The following L3MBTL4 variants were observed in gnomAD, a reference collection of about 807,000 sequenced individuals.
L3MBTL4 encodes the protein lethal(3)malignant brain tumor-like protein 4.
L3MBTL4 carries 70 observed loss-of-function variants against 84.5 expected under a neutral mutation model. That is an observed-to-expected ratio of 0.83 (90% confidence interval 0.68 to 1.01). The LOEUF is 1.01. Among genes scored for constraint, L3MBTL4 ranks in the 50% least tolerant of loss-of-function variants. The pLI is 0.00. For synonymous variants in L3MBTL4, 274 were observed against 259.8 expected, an observed-to-expected ratio of 1.05 and a Z score of -0.52; for missense variants, 715 against 754.8, an observed-to-expected ratio of 0.95 and a Z score of 0.62.
At chr18:6,360,584 G>C (rs1481817610) in intron 1 of L3MBTL4, among the ~76,000 whole-genome samples, 1 of 152,036 alleles carries the variant, frequency 6.6e-6, no homozygotes, top group Non-Finnish European at 1.5e-5. Flanking sequence ...AGAATGAAGA[G>C]AATGACATTA....
At chr18:6,008,235 C>T (rs138918910) in intron 16 of L3MBTL4, among the ~76,000 whole-genome samples, 83 of 152,252 alleles carry the variant, frequency 5.5e-4, no homozygotes, top group African/African-American at 1.8e-3. Flanking sequence ...CTCCACACTC[C>T]GCTCTGTAAC....
rs2054091108 is a variant in L3MBTL4, at chr18:6,370,019, A to G, written c.-91+44782T>C. On this transcript the variant is annotated intron_variant, in intron 1 of 18. Coordinates refer to ENST00000317931, the MANE Select transcript of L3MBTL4 (RefSeq NM_001330559.2). ...CATGGTGGCACGTGCCTGTAGTCTC[A>G]GCTACTTGGGAGGCTGAGGCACGAG... Among the ~76,000 whole-genome samples, 3 of 151,952 alleles carry G rather than the reference A, an allele frequency of 2.0e-5. No homozygotes were observed. The South Asian group carries it at 6.2e-4, about 32-fold the overall frequency.
At chr18:6,057,689 C>G (rs1186147382) in intron 16 of L3MBTL4, among the ~76,000 whole-genome samples, 1 of 151,950 alleles carries the variant, frequency 6.6e-6, no homozygotes, top group Non-Finnish European at 1.5e-5. Flanking sequence ...CAATGAAAAA[C>G]ATTAAAAAAT....
At chr18:6,015,180 G>A (rs543952943) in intron 16 of L3MBTL4, among the ~76,000 whole-genome samples, 3 of 152,238 alleles carry the variant, frequency 2.0e-5, no homozygotes, top group African/African-American at 7.2e-5. Flanking sequence ...CACAAACACT[G>A]CTAACTGAGG....
chr18:6,274,885 A>G (rs1305765543), intron 4 of L3MBTL4, among the ~76,000 whole-genome samples: 1 of 152,224 alleles, frequency 6.6e-6, no homozygotes, highest in Non-Finnish European at 1.5e-5. Flanking sequence ...ATGAGACGTG[A>G]AAAAACTGGA....
intron 16 of L3MBTL4, chr18:6,030,190 G>C: frequency 2.4e-6 from 2 of 828,846 alleles, no homozygotes; most frequent in Non-Finnish European, 2.9e-6. Flanking sequence ...AGACACACAA[G>C]AGAAGTATAC....
chr18:6,104,822 T>C (rs1185462423), intron 14 of L3MBTL4, among the ~76,000 whole-genome samples: 1 of 152,232 alleles, frequency 6.6e-6, no homozygotes, highest in African/African-American at 2.4e-5. Context: ...TGTATAGATA[T>C]ATTCCATATT....
At chr18:6,056,977 T>C (rs1024472229) in intron 16 of L3MBTL4, among the ~76,000 whole-genome samples, 2 of 152,162 alleles carry the variant, frequency 1.3e-5, no homozygotes, top group Non-Finnish European at 2.9e-5. Context: ...AGTGAACATA[T>C]TAAGAAAACA....
At chr18:5,978,439 G>A (rs1305552663) in intron 16 of L3MBTL4, among the ~76,000 whole-genome samples, 1 of 152,072 alleles carries the variant, frequency 6.6e-6, no homozygotes, top group African/African-American at 2.4e-5. Context: ...TATTTTGATC[G>A]ATACTACACC....
intron 1 of L3MBTL4, among the ~76,000 whole-genome samples, chr18:6,329,790 C>A (rs2051929265): frequency 1.3e-5 from 2 of 152,160 alleles, no homozygotes; most frequent in Non-Finnish European, 1.5e-5. Flanking sequence ...ATCTATTAAT[C>A]CACAAGTGGA....
At chr18:6,224,040 A>C (rs2046673073) in intron 10 of L3MBTL4, among the ~76,000 whole-genome samples, 1 of 152,214 alleles carries the variant, frequency 6.6e-6, no homozygotes, top group Non-Finnish European at 1.5e-5. Context: ...GTGGAAGGAG[A>C]AACCAAGGGG....
intron 13 of L3MBTL4, among the ~76,000 whole-genome samples, chr18:6,148,350 G>A (rs772925061): frequency 8.5e-5 from 13 of 152,144 alleles, no homozygotes; most frequent in Non-Finnish European, 1.5e-4. Flanking sequence ...CAAAAATCAG[G>A]AGAATGACCT....
intron 1 of L3MBTL4, among the ~76,000 whole-genome samples, chr18:6,353,408 G>A (rs1230910894): frequency 6.6e-6 from 1 of 152,092 alleles, no homozygotes; most frequent in Non-Finnish European, 1.5e-5. Context: ...TGTGGACACT[G>A]GTTAAGCAGA....
chr18:6,003,915 T>A (rs1196263342), intron 16 of L3MBTL4, among the ~76,000 whole-genome samples: 1 of 151,892 alleles, frequency 6.6e-6, no homozygotes, highest in African/African-American at 2.4e-5. Context: ...ATGCTTACAT[T>A]AGAAAAGAAG....
chr18:6,115,420 G>A (rs71360017), intron 14 of L3MBTL4, among the ~76,000 whole-genome samples: 3,345 of 152,254 alleles, frequency 0.022, 35 homozygotes, highest in Non-Finnish European at 0.034. Context: ...ATTCACCATC[G>A]GGGTAAGAGA....
rs76710476 is a variant in L3MBTL4 at position 6,215,904 on chromosome 18, C to T, written c.785-69G>A. 1.1e-3 allele frequency: 900 copies of T among 844,752 alleles called. 2 individuals are homozygous for T. In the African/African-American group the frequency reaches 0.012, roughly 11 times the overall value. The allele number at this position is 844,752 out of a possible 1,614,324, so 52.3% of individuals were successfully genotyped here. A position where few individuals can be genotyped will look rare whatever the true frequency, so the allele number is the denominator to read the frequency against. Reference sequence around the variant, plus strand: ...ATTCTGATTCCCGTATACTACAAAACGTTGGATGATATGACACCTAATGTT... The same window carrying T: ...ATTCTGATTCCCGTATACTACAAAATGTTGGATGATATGACACCTAATGTT... On this transcript the variant is annotated intron_variant, in intron 10 of 18. Transcript: ENST00000317931.
chr18:6,174,824 C>T (rs529095412), intron 12 of L3MBTL4, among the ~76,000 whole-genome samples: 5 of 145,996 alleles, frequency 3.4e-5, no homozygotes, highest in South Asian at 2.2e-4. Flanking sequence ...GCCGAAATTG[C>T]GGCACTGCAC....
intron 9 of L3MBTL4, among the ~76,000 whole-genome samples, chr18:6,239,147 C>T (rs376428246): frequency 0.01 from 1,587 of 151,758 alleles, 12 homozygotes; most frequent in Middle Eastern, 0.044. Context: ...CGAGACCATC[C>T]CGGCTAAAAC....
intron 14 of L3MBTL4, among the ~76,000 whole-genome samples, chr18:6,123,090 T>C (rs900862872): frequency 6.6e-6 from 1 of 152,158 alleles, no homozygotes; most frequent in Non-Finnish European, 1.5e-5. Context: ...TGAGGCATCT[T>C]TAGGAAAGGG....
Sources: allele counts gnomAD v4.1 joint callset (sites outside exome capture counted in the v4.1 genomes callset), GRCh38; gene constraint gnomAD v4.1.1; transcripts MANE v1.5; gene names NCBI Gene and HGNC (gene_info 2026-07-23, HGNC 2026-07-21).